RPS6KC1: variants seen among roughly 807,000 people sequenced by gnomAD.
RPS6KC1 encodes the protein inactive ribosomal protein S6 kinase delta-1.
A neutral mutation model predicts 103.8 loss-of-function variants in RPS6KC1; 54 were observed. That is an observed-to-expected ratio of 0.52 (90% confidence interval 0.42 to 0.65). The LOEUF is 0.65. Among genes scored for constraint, RPS6KC1 ranks in the 30% least tolerant of loss-of-function variants. RPS6KC1 has a pLI of 0.00. For synonymous variants in RPS6KC1, 439 were observed against 438.7 expected, an observed-to-expected ratio of 1.00 and a Z score of -0.01; for missense variants, 1,151 against 1,253.8, an observed-to-expected ratio of 0.92 and a Z score of 1.24.
At chr1:213,512,138 A>G in the RPS6KC1 span, among the ~76,000 whole-genome samples, 1 of 152,132 alleles carries the variant, frequency 6.6e-6, no homozygotes, top group Non-Finnish European at 1.5e-5. Flanking sequence ...CACAATTGTA[A>G]TGAGGCTCTA....
At chr1:213,104,983 A>T (rs11120089) in intron 4 of RPS6KC1, among the ~76,000 whole-genome samples, 2 of 152,062 alleles carry the variant, frequency 1.3e-5, no homozygotes, top group African/African-American at 4.8e-5. Flanking sequence ...GAAGCATCAT[A>T]AAACTCTAGT....
At chr1:213,250,595 A>G (rs1216536966) in intron 12 of RPS6KC1, among the ~76,000 whole-genome samples, 3 of 152,218 alleles carry the variant, frequency 2.0e-5, no homozygotes, top group Non-Finnish European at 2.9e-5. Context: ...ATGTGAGACT[A>G]TAGGGAAGTT....
the RPS6KC1 span, among the ~76,000 whole-genome samples, chr1:213,507,364 G>T: frequency 6.6e-6 from 1 of 152,102 alleles, no homozygotes; most frequent in Non-Finnish European, 1.5e-5. Flanking sequence ...AGAGACCCTG[G>T]GAGCAGATGC....
the RPS6KC1 span, among the ~76,000 whole-genome samples, chr1:213,452,696 T>C: frequency 6.6e-6 from 1 of 152,142 alleles, no homozygotes; most frequent in African/African-American, 2.4e-5. Context: ...CACAGAGACC[T>C]CCTCAGTAGC....
chr1:213,359,648 G>C, the RPS6KC1 span, among the ~76,000 whole-genome samples: 1 of 120,054 alleles, frequency 8.3e-6, no homozygotes, highest in African/African-American at 3.3e-5. Flanking sequence ...TTTCTTCCTA[G>C]CATCGATGGT....
chr1:213,305,807 C>T, the RPS6KC1 span, among the ~76,000 whole-genome samples: 2 of 152,158 alleles, frequency 1.3e-5, no homozygotes, highest in African/African-American at 4.8e-5. Context: ...TCCTATGTGC[C>T]GTGCCCTCTC....
chr1:213,627,359 C>A, the RPS6KC1 span, among the ~76,000 whole-genome samples: 1 of 152,158 alleles, frequency 6.6e-6, no homozygotes, highest in Non-Finnish European at 1.5e-5. Context: ...ACAATCATGT[C>A]ATCTGCAAAC....
At chr1:213,704,835 C>A in the RPS6KC1 span, among the ~76,000 whole-genome samples, 1 of 152,204 alleles carries the variant, frequency 6.6e-6, no homozygotes, top group Non-Finnish European at 1.5e-5. Context: ...TTAGGGGGCA[C>A]CCCAAGCTGA....
the RPS6KC1 span, among the ~76,000 whole-genome samples, chr1:213,615,362 T>A: frequency 4.2e-4 from 64 of 152,324 alleles, no homozygotes; most frequent in Middle Eastern, 6.8e-3. Context: ...GCCAATGTCC[T>A]TGTTATGTGG....
intron 6 of RPS6KC1, among the ~76,000 whole-genome samples, chr1:213,141,037 C>T (rs578047213): frequency 2.7e-4 from 41 of 152,030 alleles, no homozygotes; most frequent in African/African-American, 9.4e-4. Flanking sequence ...GCTGGGATTA[C>T]AGGCGCCCAT....
chr1:213,104,600 C>T (rs2082304186), intron 4 of RPS6KC1, 31 bp downstream of exon 4: 5 of 1,187,410 alleles, frequency 4.2e-6, no homozygotes, highest in Middle Eastern at 2.0e-4. Context: ...TATTTTATAT[C>T]TTATTAAATA....
the RPS6KC1 span, among the ~76,000 whole-genome samples, chr1:213,755,196 A>G: frequency 6.6e-6 from 1 of 152,164 alleles, no homozygotes. Context: ...TCTGCTCAAT[A>G]TAATGTATTT....
chr1:213,096,545 A>G (rs951247873), intron 3 of RPS6KC1, among the ~76,000 whole-genome samples: 1 of 152,110 alleles, frequency 6.6e-6, no homozygotes, highest in African/African-American at 2.4e-5. Flanking sequence ...TACGCCTATA[A>G]TTCCAGCTAC....
chr1:213,710,448 A>G, the RPS6KC1 span, among the ~76,000 whole-genome samples: 2,514 of 152,210 alleles, frequency 0.017, 48 homozygotes, highest in African/African-American at 0.047. Flanking sequence ...CAGCACACTG[A>G]CAGGTCTTGA....
At chr1:213,672,562 T>C in the RPS6KC1 span, among the ~76,000 whole-genome samples, 7 of 152,324 alleles carry the variant, frequency 4.6e-5, no homozygotes, top group East Asian at 1.2e-3. Flanking sequence ...TCCTGCTATG[T>C]CTCTTATTAC....
the RPS6KC1 span, among the ~76,000 whole-genome samples, chr1:213,548,795 G>T: frequency 6.6e-6 from 1 of 152,122 alleles, no homozygotes; most frequent in Non-Finnish European, 1.5e-5. Flanking sequence ...TGGGCTCATG[G>T]GAAATCATTT....
chr1:213,236,414 A>G (rs990902457), intron 10 of RPS6KC1, among the ~76,000 whole-genome samples: 1 of 152,220 alleles, frequency 6.6e-6, no homozygotes, highest in African/African-American at 2.4e-5. Context: ...AAGTAAGTTT[A>G]GAAGGAAAAT....
At chr1:213,614,776 C>T in the RPS6KC1 span, among the ~76,000 whole-genome samples, 3 of 152,218 alleles carry the variant, frequency 2.0e-5, no homozygotes, top group African/African-American at 7.2e-5. Context: ...GAGTCAGGGA[C>T]AAGACTGGGC....
the RPS6KC1 span, among the ~76,000 whole-genome samples, chr1:213,704,657 C>T: frequency 1.3e-5 from 2 of 152,140 alleles, no homozygotes; most frequent in East Asian, 1.9e-4. Context: ...TTGGTGAGAT[C>T]GTGTTTTCCT....
Sources: gnomAD v4.1 joint callset for allele counts (sites outside exome capture counted in the v4.1 genomes callset) on GRCh38, gnomAD v4.1.1 for gene constraint, MANE v1.5 for transcripts, NCBI Gene and HGNC (gene_info 2026-07-23, HGNC 2026-07-21) for gene names.